The following SGCZ variants were observed in gnomAD, a reference collection of about 807,000 sequenced individuals.
The protein encoded by SGCZ is sarcoglycan zeta.
Under a neutral mutation model 41.3 loss-of-function variants are expected in SGCZ, and 40 were observed. That is an observed-to-expected ratio of 0.97 (90% confidence interval 0.75 to 1.26). The LOEUF (loss-of-function observed/expected upper bound fraction) is 1.26, where lower values mean the gene tolerates loss of function less well. SGCZ is among the 50% of genes most tolerant of loss of function. The probability of loss-of-function intolerance (pLI) is 0.00; values close to 1 mark genes in which losing one functional copy is unlikely to be tolerated. For missense variants in SGCZ, 552 were observed against 369.8 expected, an observed-to-expected ratio of 1.49 and a Z score of -4.04; for synonymous variants, 206 against 137.5, an observed-to-expected ratio of 1.50 and a Z score of -3.49.
intron 3 of SGCZ, among the ~76,000 whole-genome samples, chr8:14,244,469 A>G (rs1376904902): frequency 6.6e-6 from 1 of 152,228 alleles, no homozygotes; most frequent in Non-Finnish European, 1.5e-5. Context: ...AAAAAGTACC[A>G]GTACCATGCT....
intron 2 of SGCZ, among the ~76,000 whole-genome samples, chr8:14,460,504 C>A (rs1471896068): frequency 6.6e-6 from 1 of 152,064 alleles, no homozygotes; most frequent in African/African-American, 2.4e-5. Context: ...ATTTGTGGTG[C>A]CCCAAAATTA....
At chr8:14,813,689 C>T (rs1051254309) in intron 1 of SGCZ, among the ~76,000 whole-genome samples, 2 of 152,134 alleles carry the variant, frequency 1.3e-5, no homozygotes, top group Non-Finnish European at 2.9e-5. Flanking sequence ...CAGTGGCTCA[C>T]GCCTGTAATC....
At chr8:15,156,967 A>C (rs1298297355) in intron 1 of SGCZ, among the ~76,000 whole-genome samples, 1 of 151,860 alleles carries the variant, frequency 6.6e-6, no homozygotes, top group Admixed American at 6.6e-5. Context: ...AAAGAAAAGA[A>C]AAAGAAAGAA....
At chr8:15,217,826 G>A (rs1287007954) in intron 1 of SGCZ, among the ~76,000 whole-genome samples, 1 of 152,190 alleles carries the variant, frequency 6.6e-6, no homozygotes, top group African/African-American at 2.4e-5. Flanking sequence ...TGGCATTCAT[G>A]CCTATAATCC....
chr8:15,198,182 G>A (rs773541122), intron 1 of SGCZ, among the ~76,000 whole-genome samples: 5 of 151,448 alleles, frequency 3.3e-5, no homozygotes, highest in African/African-American at 4.8e-5. Context: ...TTGTTGAGTA[G>A]GCTGATTAAA....
chr8:14,773,412 G>C (rs532517434), intron 1 of SGCZ, among the ~76,000 whole-genome samples: 1 of 152,238 alleles, frequency 6.6e-6, no homozygotes, highest in African/African-American at 2.4e-5. Context: ...ACAAGAAAGT[G>C]CCTTTGTTCC....
At chr8:14,854,975 G>A (rs542416745) in intron 1 of SGCZ, among the ~76,000 whole-genome samples, 60 of 151,302 alleles carry the variant, frequency 4.0e-4, no homozygotes, top group Non-Finnish European at 7.1e-4. Flanking sequence ...TCCCGCTCCC[G>A]ACTTTATCTG....
chr8:14,452,901 G>C (rs1221248368), intron 2 of SGCZ, among the ~76,000 whole-genome samples: 1 of 152,024 alleles, frequency 6.6e-6, no homozygotes, highest in East Asian at 1.9e-4. Flanking sequence ...TCAGGAGTTT[G>C]AGACCAGCTT....
intron 1 of SGCZ, chr8:14,879,841 TG>T (rs1804517879): frequency 6.6e-6 from 1 of 150,516 alleles, no homozygotes; most frequent in South Asian, 2.1e-4. Context: ...AGGTTTTTTT[TG>T]TTTTTTTTTG....
At chr8:14,545,217 G>C (rs758441989) in intron 2 of SGCZ, among the ~76,000 whole-genome samples, 8 of 152,038 alleles carry the variant, frequency 5.3e-5, no homozygotes, top group Non-Finnish European at 1.0e-4. Flanking sequence ...TTTCATAAAT[G>C]GTAGAAATAC....
intron 2 of SGCZ, among the ~76,000 whole-genome samples, chr8:14,344,412 C>T (rs912184918): frequency 6.6e-6 from 1 of 151,620 alleles, no homozygotes; most frequent in Admixed American, 6.6e-5. Context: ...ATCTTCAAAT[C>T]AGTAACTGAA....
chr8:14,747,416 C>A (rs1799367181), intron 1 of SGCZ, among the ~76,000 whole-genome samples: 1 of 152,204 alleles, frequency 6.6e-6, no homozygotes, highest in Admixed American at 6.5e-5. Context: ...AATACGGTGA[C>A]AAAACCAACG....
chr8:14,965,125 C>T (rs1281108835), intron 1 of SGCZ, among the ~76,000 whole-genome samples: 1 of 152,096 alleles, frequency 6.6e-6, no homozygotes, highest in Non-Finnish European at 1.5e-5. Context: ...AATCCCGATA[C>T]TCGAGAGGGG....
chr8:14,392,123 T>C (rs1296193990), intron 2 of SGCZ, among the ~76,000 whole-genome samples: 1 of 152,170 alleles, frequency 6.6e-6, no homozygotes, highest in Non-Finnish European at 1.5e-5. Context: ...ATCTCTTAAA[T>C]ATAATATTTC....
chr8:14,223,885 G>C lies in SGCZ; in HGVS notation c.424+13707C>G, dbSNP rs367783129. Among the ~76,000 whole-genome samples, 27 of 152,270 alleles carry C rather than the reference G, an allele frequency of 1.8e-4. No individual in the cohort carries two copies. In the South Asian group the frequency reaches 5.6e-3, roughly 32 times the overall value. ...ATTAGTATTACTAATAGTGATAGCA[G>C]TTAACACTTTTCCAGTAATGTGAAA... On this transcript the variant is annotated intron_variant, in intron 4 of 7. Transcript: ENST00000382080.
At chr8:14,875,875 A>G (rs1375006268) in intron 1 of SGCZ, among the ~76,000 whole-genome samples, 1 of 152,192 alleles carries the variant, frequency 6.6e-6, no homozygotes, top group Non-Finnish European at 1.5e-5. Context: ...ACATCACCCT[A>G]ATCCAAAGTT....
At chr8:14,316,808 T>C (rs1801732391) in intron 3 of SGCZ, among the ~76,000 whole-genome samples, 1 of 95,686 alleles carries the variant, frequency 1.0e-5, no homozygotes. Context: ...TCTCATTTAT[T>C]ATAGACACAC....
intron 1 of SGCZ, among the ~76,000 whole-genome samples, chr8:15,077,672 C>T (rs1025851490): frequency 6.6e-6 from 1 of 152,108 alleles, no homozygotes; most frequent in Non-Finnish European, 1.5e-5. Context: ...AAAACATGAA[C>T]CTTATCTTAC....
At chr8:14,792,450 C>T (rs1278301702) in intron 1 of SGCZ, among the ~76,000 whole-genome samples, 1 of 152,154 alleles carries the variant, frequency 6.6e-6, no homozygotes, top group African/African-American at 2.4e-5. Context: ...TCCATTCATG[C>T]TTCTATCCTC....
Sources: gnomAD v4.1 joint callset for allele counts (sites outside exome capture counted in the v4.1 genomes callset) on GRCh38, gnomAD v4.1.1 for gene constraint, MANE v1.5 for transcripts, NCBI Gene and HGNC (gene_info 2026-07-23, HGNC 2026-07-21) for gene names.